Variants in CELSR1 observed in about 807,000 individuals in gnomAD.
CELSR1 encodes the protein adhesion G protein-coupled receptor C1.
A neutral mutation model predicts 249.1 loss-of-function variants in CELSR1; 110 were observed. The ratio of observed to expected loss-of-function variants is 0.44; its 90% CI spans 0.38 to 0.52. CELSR1 has a LOEUF of 0.52. CELSR1 is among the 20% of genes least tolerant of loss of function. The pLI is 0.00. For missense variants in CELSR1, 4,109 were observed against 4,296.4 expected (o/e 0.96, Z 1.22); for synonymous variants, 2,113 against 1,900.0 (o/e 1.11, Z -2.92).
At chr22:46,461,208 C>A (rs1356517461) in intron 2 of CELSR1, among the ~76,000 whole-genome samples, 2 of 152,194 alleles carry the variant, frequency 1.3e-5, no homozygotes, top group South Asian at 2.1e-4. Flanking sequence ...TCTTAATTAG[C>A]CTTATCTCCG....
At position 46,433,358 on chromosome 22, in the gene CELSR1, C is replaced by G; in HGVS notation, c.4611+35G>C. 1 of 1,582,440 alleles carries G rather than the reference C, an allele frequency of 6.3e-7. No individual in the cohort carries two copies. The highest frequency in any genetic ancestry group is 8.7e-7 in the Non-Finnish European group (1 of 1,154,556). On this transcript the variant is annotated intron_variant, in intron 5 of 34. Transcript: ENST00000674500. This position sits in a 1 kb window ranked among gnomAD's most constrained non-coding sequence, Gnocchi z 5.7. ...CCCCAGGGCACCTTCTCGAGCCGCC[C>G]TGGGGCCAGGGGGAAGTGGTGGGGC... is the stretch of plus-strand genomic sequence containing the variant.
intron 2 of CELSR1, among the ~76,000 whole-genome samples, chr22:46,444,207 G>A (rs557894686): frequency 1.1e-4 from 17 of 152,356 alleles, no homozygotes; most frequent in East Asian, 7.7e-4. Flanking sequence ...TGGAAGATTC[G>A]GCTTCTCACC....
At chr22:46,456,661 TAAAAAA>T (rs556357746) in intron 2 of CELSR1, among the ~76,000 whole-genome samples, 93 of 60,286 alleles carry the variant, frequency 1.5e-3, no homozygotes, top group African/African-American at 4.6e-3. Flanking sequence ...AGACTCTGTC[TAAAAAA>T]AAAAAAAAAA....
At position 46,390,514 on chromosome 22, in the gene CELSR1, C is replaced by G. The variant is rs372811061; in HGVS notation, c.6251-28G>C. ...GGGGAAGGAGAGCAGGTGTGCAAAG[C>G]CTGAAACTCAAACTGTTGATCAATG... On this transcript the variant is annotated intron_variant, in intron 16 of 34. Coordinates refer to ENST00000674500, the MANE Select transcript of CELSR1 (RefSeq NM_001378328.1). This position sits in a 1 kb window ranked among gnomAD's most constrained non-coding sequence, Gnocchi z 6.3. 5.8e-5 allele frequency: 90 copies of G among 1,560,822 alleles called. 1 individual carries two copies. The highest frequency in any genetic ancestry group is 1.6e-4 in the African/African-American group (12 of 73,788).
rs764958751 is a variant in CELSR1, at chr22:46,448,556, T to A, written c.4184-9145A>T. The A allele has an allele frequency of 6.1e-5, 27 of 441,504 alleles. No homozygotes were observed. Among genetic ancestry groups the A allele is most frequent in the Non-Finnish European group, 1.8e-5 (4 of 221,592 alleles). 27.3% of individuals were successfully genotyped at this position (441,504 alleles called of 1,614,324 possible). ...AAATAAAAAGACAATTCCTTTCTGGTCCTAAGAAACAGCTAAGAGCTTTGA... is the reference window on the plus strand; with the variant it reads ...AAATAAAAAGACAATTCCTTTCTGGACCTAAGAAACAGCTAAGAGCTTTGA... On this transcript the variant is annotated intron_variant, in intron 2 of 34. Transcript: ENST00000674500. The surrounding 1 kb of genome is among the most constrained non-coding windows in gnomAD (Gnocchi z 5.7).
chr22:46,400,128 G>A (rs1021896245), intron 9 of CELSR1, among the ~76,000 whole-genome samples: 21 of 151,884 alleles, frequency 1.4e-4, no homozygotes, highest in African/African-American at 3.6e-4. Context: ...TCAAAAGTTC[G>A]TGACCAGCCT....
At chr22:46,520,911 C>T (rs568404843) in intron 1 of CELSR1, among the ~76,000 whole-genome samples, 54 of 152,300 alleles carry the variant, frequency 3.5e-4, no homozygotes, top group African/African-American at 1.3e-3. Context: ...CCCCTGGCAA[C>T]CACCATTCTA....
In CELSR1 at chr22:46,534,048, C is replaced by T; in HGVS notation, c.3123G>A (p.Gly1041=). Reference sequence around the variant, plus strand: ...CCAGCTGGAAGAAATGCCGCATGTCCCCTTCCACAATCTGATACATGATCT... The same window carrying T: ...CCAGCTGGAAGAAATGCCGCATGTCTCCTTCCACAATCTGATACATGATCT... The part of the protein sequence containing the change: ...NAQIMYQIVE[G]DMRHFFQLDL... Residue 1041 remains glycine, a synonymous_variant, in exon 1 of 35, where the codon GGG becomes GGA. Transcript: ENST00000674500. The surrounding 1 kb of genome is among the most constrained non-coding windows in gnomAD (Gnocchi z 9.7). The T allele has an allele frequency of 1.2e-6, 2 of 1,613,770 alleles. No homozygotes were observed. The highest frequency in any genetic ancestry group is 1.7e-6 in the Non-Finnish European group (2 of 1,180,038).
At position 46,439,380 on chromosome 22, in the gene CELSR1, G is replaced by A. The variant is rs773971935; in HGVS notation, c.4215C>T (p.Gly1405=). The change falls in exon 3 of 35, where the codon GGC becomes GGT. Residue 1405 remains glycine, a synonymous_variant. Coordinates refer to ENST00000674500, the MANE Select transcript of CELSR1 (RefSeq NM_001378328.1). ...GEHCEVDARS[G]RCANGVCKNG... ...TCTTGCACACCCCGTTGGCACAGCG[G>A]CCTGAGCGGGCATCCACCTCACAGT... 9.3e-6 allele frequency: 15 copies of A among 1,613,414 alleles called. No homozygotes were observed. Among genetic ancestry groups the A allele is most frequent in the Non-Finnish European group, 1.3e-5 (15 of 1,179,964 alleles).
At chr22:46,443,332 G>A (rs2079777065) in intron 2 of CELSR1, among the ~76,000 whole-genome samples, 1 of 152,198 alleles carries the variant, frequency 6.6e-6, no homozygotes, top group African/African-American at 2.4e-5. Flanking sequence ...CCAGGAGTCA[G>A]GGCAGGATCC....
rs763257660 is a variant in CELSR1 at position 46,369,122 on chromosome 22, G to A, written c.7952+57C>T. On this transcript the variant is annotated intron_variant, in intron 27 of 34. Transcript: ENST00000674500. ...GGGCCCCACCCCGCAGAGACTGGACGTCGGGGTCTCAGGGCCCAGCCGACA... is the reference window on the plus strand; with the variant it reads ...GGGCCCCACCCCGCAGAGACTGGACATCGGGGTCTCAGGGCCCAGCCGACA... The A allele has an allele frequency of 9.3e-5, 144 of 1,554,592 alleles. No individual in the cohort carries two copies. The East Asian group carries it at 1.9e-3, about 20-fold the overall frequency.
chr22:46,534,989 T>C lies in CELSR1; in HGVS notation c.2182A>G (p.Asn728Asp). The C allele has an allele frequency of 6.2e-7, 1 of 1,611,958 alleles. No homozygotes were observed. The highest frequency in any genetic ancestry group is 8.5e-7 in the Non-Finnish European group (1 of 1,179,474). The change falls in exon 1 of 35, where the codon AAC becomes GAC. Residue 728 changes from asparagine to aspartate, a missense_variant. By Grantham distance (23) the Asn-to-Asp change is conservative (BLOSUM62 1). This residue lies in a region of CELSR1 where 886 missense variants were observed against 896.5 expected (regional missense o/e 0.99). Coordinates refer to ENST00000674500, the MANE Select transcript of CELSR1 (RefSeq NM_001378328.1). This position sits in a 1 kb window ranked among gnomAD's most constrained non-coding sequence, Gnocchi z 9.7. The part of the protein sequence containing the change: ...SVITYQLTGG[N>D]TRNRFALSSQ... ...CTGAGTGCAAAGCGGTTCCGGGTGT[T>C]GCCGCCTGTGAGCTGGTAGGTAATC...
At chr22:46,394,012 G>A (rs2079122071) in intron 14 of CELSR1, 130 bp downstream of exon 14, 1 of 1,179,002 alleles carries the variant, frequency 8.5e-7, no homozygotes, top group Non-Finnish European at 1.2e-6. Context: ...GATGTGAGTG[G>A]GCACAGGTGT....
chr22:46,478,048 C>G (rs144274524), intron 1 of CELSR1, among the ~76,000 whole-genome samples: 1 of 152,294 alleles, frequency 6.6e-6, no homozygotes, highest in Non-Finnish European at 1.5e-5. Flanking sequence ...CAGCAGCACA[C>G]CAGCTGAAAA....
At position 46,430,550 on chromosome 22, in the gene CELSR1, C is replaced by CG. The variant is rs951711540; in HGVS notation, c.4611+2842dup. ...GACACCCCTCATCGTCCAGCCCCAA[C>CG]GCCTCCTCCTCCTGGGGGTCCCCTC... On this transcript the variant is annotated intron_variant, in intron 5 of 34. Coordinates refer to ENST00000674500, the MANE Select transcript of CELSR1 (RefSeq NM_001378328.1). The surrounding 1 kb of genome is among the most constrained non-coding windows in gnomAD (Gnocchi z 4.6). Among the ~76,000 whole-genome samples, 3 of 152,136 alleles carry CG rather than the reference C, an allele frequency of 2.0e-5. No homozygotes were observed. Among genetic ancestry groups the CG allele is most frequent in the Non-Finnish European group, 4.4e-5 (3 of 68,020 alleles).
chr22:46,447,135 G>C lies in CELSR1; in HGVS notation c.4184-7724C>G, dbSNP rs1324323765. Among the ~76,000 whole-genome samples the C allele has an allele frequency of 6.6e-6, 1 of 152,054 alleles. No individual in the cohort carries two copies. Among genetic ancestry groups the C allele is most frequent in the African/African-American group, 2.4e-5 (1 of 41,424 alleles). On this transcript the variant is annotated intron_variant, in intron 2 of 34. Coordinates refer to ENST00000674500, the MANE Select transcript of CELSR1 (RefSeq NM_001378328.1). The surrounding 1 kb of genome is among the most constrained non-coding windows in gnomAD (Gnocchi z 4.7). Reference sequence around the variant, plus strand: ...CCCACCAACCCTCAGGGAGAATCCTGAATTGGCGGCATTTGTAAACACTCC... The same window carrying C: ...CCCACCAACCCTCAGGGAGAATCCTCAATTGGCGGCATTTGTAAACACTCC...
At chr22:46,511,069 G>A (rs1305396360) in intron 1 of CELSR1, among the ~76,000 whole-genome samples, 5 of 152,016 alleles carry the variant, frequency 3.3e-5, no homozygotes, top group Non-Finnish European at 5.9e-5. Flanking sequence ...AGCTGAGATC[G>A]TGTCATCGCA....
At chr22:46,444,076 C>T (rs1484415825) in intron 2 of CELSR1, among the ~76,000 whole-genome samples, 1 of 152,212 alleles carries the variant, frequency 6.6e-6, no homozygotes, top group Non-Finnish European at 1.5e-5. Context: ...AGTAAGAACC[C>T]AGGCTGGGCC....
chr22:46,427,631 C>T lies in CELSR1; in HGVS notation c.4611+5762G>A, dbSNP rs1458055529. ...CCCTCATCACCGCACAGAACCCCAC[C>T]GCACTGTTGGCAATGGTTGTTGACG... On this transcript the variant is annotated intron_variant, in intron 5 of 34. Coordinates refer to ENST00000674500, the MANE Select transcript of CELSR1 (RefSeq NM_001378328.1). The surrounding 1 kb of genome is among the most constrained non-coding windows in gnomAD (Gnocchi z 4.2). 6.6e-6 allele frequency among the ~76,000 whole-genome samples: 1 copy of T among 152,196 alleles called. No homozygotes were observed. The highest frequency in any genetic ancestry group is 2.4e-5 in the African/African-American group (1 of 41,454).
Sources: gnomAD v4.1 joint callset for allele counts (sites outside exome capture counted in the v4.1 genomes callset) on GRCh38, gnomAD v4.1.1 for gene constraint, gnomAD v4.1.1 regional missense constraint, Gnocchi (gnomAD v3.1) non-coding constraint, MANE v1.5 for transcripts, NCBI Gene and HGNC (gene_info 2026-07-23, HGNC 2026-07-21) for gene names.